Variants in RAP1A observed in about 807,000 individuals in gnomAD.
The protein encoded by RAP1A is RAP1A, member of RAS oncogene family.
In RAP1A, 6 loss-of-function variants were observed where a neutral mutation model predicts 26.4. The ratio of observed to expected loss-of-function variants is 0.23; its 90% confidence interval spans 0.12 to 0.45. The LOEUF (loss-of-function observed/expected upper bound fraction) is 0.45. RAP1A is among the 20% of genes least tolerant of loss of function. RAP1A has a pLI of 0.99. For synonymous variants in RAP1A, 73 were observed against 79.4 expected, an observed-to-expected ratio of 0.92 and a Z score of 0.43; for missense variants, 121 against 217.2, an observed-to-expected ratio of 0.56 and a Z score of 2.78.
At chr1:111,544,565 C>A (rs190734718) in intron 1 of RAP1A, among the ~76,000 whole-genome samples, 1 of 152,144 alleles carries the variant, frequency 6.6e-6, no homozygotes, top group Non-Finnish European at 1.5e-5. Flanking sequence ...AGTTGAATAA[C>A]GTTCCATTAT....
chr1:111,705,578 A>C (rs951576748), intron 6 of RAP1A, among the ~76,000 whole-genome samples: 3 of 152,236 alleles, frequency 2.0e-5, no homozygotes, highest in Admixed American at 1.3e-4. Context: ...TAACAAGTAC[A>C]TAAAAACAAG....
chr1:111,588,018 G>A (rs1658411181), intron 1 of RAP1A, among the ~76,000 whole-genome samples: 1 of 152,080 alleles, frequency 6.6e-6, no homozygotes, highest in South Asian at 2.1e-4. Context: ...TTCTGCATAT[G>A]ACCCACAGCC....
chr1:111,618,689 C>T (rs773332518), upstream of RAP1A, among the ~76,000 whole-genome samples: 1 of 152,150 alleles, frequency 6.6e-6, no homozygotes, highest in Non-Finnish European at 1.5e-5. Context: ...CAAATCTGCT[C>T]CTCCATTTCA....
intron 1 of RAP1A, among the ~76,000 whole-genome samples, chr1:111,653,683 C>CAAAAAAAAAAA (rs71099925): frequency 1.5e-5 from 1 of 65,696 alleles, no homozygotes; most frequent in African/African-American, 7.0e-5. Context: ...AACTCTGTCT[C>CAAAAAAAAAAA]AAAAAAAAAA....
In RAP1A at chr1:111,619,884, AGGAGGAGGTGGAGGAGGT is replaced by A. The variant is rs201725303; in HGVS notation, c.-60_-43del. On this transcript the variant is annotated 5_prime_UTR_variant, in exon 1 of 8. Coordinates refer to ENST00000369709, the MANE Select transcript of RAP1A (RefSeq NM_002884.4). The stretch of plus-strand genomic sequence containing the variant: ...ACGGCCGAGAGGAGGGAGGAGGAGG[AGGAGGAGGTGGAGGAGGT>A]GGAGGAGGTGGAGGAGGCGCCGGAC... 37 of 243,882 alleles carry A rather than the reference AGGAGGAGGTGGAGGAGGT, an allele frequency of 1.5e-4. No individual in the cohort carries two copies. Among genetic ancestry groups the A allele is most frequent in the East Asian group, 1.3e-3 (20 of 15,744 alleles). The allele number at this position is 243,882 out of a possible 1,614,324, so 15.1% of individuals were successfully genotyped here. A position where few individuals can be genotyped will look rare whatever the true frequency, so the allele number is the denominator to read the frequency against.
At chr1:111,542,931 A>C (rs1315934498) in intron 1 of RAP1A, among the ~76,000 whole-genome samples, 1 of 152,176 alleles carries the variant, frequency 6.6e-6, no homozygotes, top group Admixed American at 6.5e-5. Flanking sequence ...TCCTGAACTC[A>C]GGTGATCCTC....
chr1:111,640,762 C>T (rs1359337984), intron 1 of RAP1A, among the ~76,000 whole-genome samples: 1 of 152,108 alleles, frequency 6.6e-6, no homozygotes, highest in Non-Finnish European at 1.5e-5. Flanking sequence ...GAGTTTGAGA[C>T]CAGCCTGAGC....
intron 1 of RAP1A, among the ~76,000 whole-genome samples, chr1:111,583,678 C>T (rs17720608): frequency 1.3e-5 from 2 of 151,732 alleles, no homozygotes; most frequent in African/African-American, 4.8e-5. Context: ...AAAAGCTGAA[C>T]TAAAAAATAG....
intron 1 of RAP1A, chr1:111,648,258 T>C (rs1266337088): frequency 2.7e-6 from 2 of 747,728 alleles, no homozygotes; most frequent in Non-Finnish European, 2.1e-6. Context: ...GGCTTCCTGC[T>C]CCCCAAAGGG....
chr1:111,559,380 A>T (rs1363244342), intron 1 of RAP1A, among the ~76,000 whole-genome samples: 1 of 152,202 alleles, frequency 6.6e-6, no homozygotes, highest in Non-Finnish European at 1.5e-5. Flanking sequence ...ACGATTCAGC[A>T]GTGACCTAAA....
intron 1 of RAP1A, among the ~76,000 whole-genome samples, chr1:111,689,868 G>GTA (rs2101240672): frequency 6.6e-6 from 1 of 152,222 alleles, no homozygotes; most frequent in East Asian, 1.9e-4. Flanking sequence ...AGTAGAGATG[G>GTA]GGTTTCACCA....
At position 111,691,315 on chromosome 1, in the gene RAP1A, T is replaced by A; in HGVS notation, c.-27-19T>A. 1 of 1,540,622 alleles carries A rather than the reference T, an allele frequency of 6.5e-7. No individual in the cohort carries two copies. Among genetic ancestry groups the A allele is most frequent in the South Asian group, 1.1e-5 (1 of 88,800 alleles). On this transcript the variant is annotated intron_variant, in intron 1 of 7. Transcript: ENST00000369709. The stretch of plus-strand genomic sequence containing the variant: ...GTTAGCATGTTTCTTAATCTTTGAT[T>A]TTTTTGTTTGTTTTTCAGATCGTCA...
chr1:111,583,288 T>C (rs1176904517), intron 1 of RAP1A, among the ~76,000 whole-genome samples: 3 of 52,720 alleles, frequency 5.7e-5, no homozygotes, highest in African/African-American at 1.2e-4. Context: ...ATGCTCATGC[T>C]TTAAAAAAAA....
rs1662480553 is a variant in RAP1A, at chr1:111,714,628, G to GGCC, written c.*2227_*2228insGCC. On this transcript the variant is annotated 3_prime_UTR_variant, in exon 8 of 8. Coordinates refer to ENST00000369709, the MANE Select transcript of RAP1A (RefSeq NM_002884.4). ...AAGAAAAACGCCTTTCTGGCACACA[G>GGCC]TGATATGCAGAGCAGGACCAGCTGA... 1 of 152,228 alleles carries GGCC rather than the reference G, an allele frequency of 6.6e-6. No homozygotes were observed. Among genetic ancestry groups the GGCC allele is most frequent in the Non-Finnish European group, 1.5e-5 (1 of 68,050 alleles). The allele number at this position is 152,228 out of a possible 1,614,324, so 9.4% of individuals were successfully genotyped here.
chr1:111,705,664 A>G (rs1662166792), intron 6 of RAP1A, among the ~76,000 whole-genome samples: 3 of 152,248 alleles, frequency 2.0e-5, no homozygotes, highest in Admixed American at 6.5e-5. Context: ...GCCCTCAGGT[A>G]ACAGTCACTC....
At chr1:111,619,197 T>C (rs1659085165), upstream of RAP1A, among the ~76,000 whole-genome samples, 1 of 152,184 alleles carries the variant, frequency 6.6e-6, no homozygotes, top group Non-Finnish European at 1.5e-5. Context: ...GGAAAGGCTA[T>C]TCCTCCTCCA....
At chr1:111,612,225 C>T (rs1188166319) in intron 1 of RAP1A, among the ~76,000 whole-genome samples, 2 of 152,170 alleles carry the variant, frequency 1.3e-5, no homozygotes, top group Non-Finnish European at 1.5e-5. Context: ...ACACTGGGCT[C>T]TCTCTCCAGT....
intron 1 of RAP1A, among the ~76,000 whole-genome samples, chr1:111,659,614 CT>C (rs1169626020): frequency 1.3e-5 from 2 of 151,604 alleles, no homozygotes; most frequent in Admixed American, 6.6e-5. Flanking sequence ...TGGACAGTCT[CT>C]TTTAATTGGT....
In RAP1A at chr1:111,655,658, C is replaced by CTTTTT. The variant is rs34266778; in HGVS notation, c.-27-35653_-27-35649dup. Among the ~76,000 whole-genome samples, 231 of 85,160 alleles carry CTTTTT rather than the reference C, an allele frequency of 2.7e-3. 18 individuals carry two copies. The highest frequency in any genetic ancestry group is 0.011 in the African/African-American group (215 of 18,912). The allele number at this position is 85,160 out of a possible 152,430, so 55.9% of individuals were successfully genotyped here. A position where few individuals can be genotyped will look rare whatever the true frequency, so the allele number is the denominator to read the frequency against. ...GAAGAACCTTAAAAATGTTCATAGT[C>CTTTTT]TTTTTTTTTTTTTTTTTTTTTTTTT... On this transcript the variant is annotated intron_variant, in intron 1 of 7. Coordinates refer to ENST00000369709, the MANE Select transcript of RAP1A (RefSeq NM_002884.4).
Sources: gnomAD v4.1 joint callset for allele counts (sites outside exome capture counted in the v4.1 genomes callset) on GRCh38, gnomAD v4.1.1 for gene constraint, MANE v1.5 for transcripts, NCBI Gene and HGNC (gene_info 2026-07-23, HGNC 2026-07-21) for gene names.